TMEM135: variants seen among roughly 807,000 people sequenced by gnomAD.
TMEM135 encodes transmembrane protein 135.
Under a neutral mutation model 60.3 loss-of-function variants are expected in TMEM135, and 30 were observed. The ratio of observed to expected loss-of-function variants is 0.50; its 90% confidence interval spans 0.37 to 0.68. TMEM135 has a LOEUF of 0.68. Among genes scored for constraint, TMEM135 ranks in the 30% least tolerant of loss-of-function variants. The pLI is 0.00. For synonymous variants in TMEM135, 190 were observed against 186.7 expected, an observed-to-expected ratio of 1.02 and a Z score of -0.14; for missense variants, 468 against 548.8, an observed-to-expected ratio of 0.85 and a Z score of 1.47.
At chr11:87,284,839 TACA>T (rs1303449149) in intron 6 of TMEM135, among the ~76,000 whole-genome samples, 7 of 152,208 alleles carry the variant, frequency 4.6e-5, no homozygotes, top group Admixed American at 4.6e-4. Context: ...AAAATAGGGA[TACA>T]ACATTAGTAG....
chr11:87,109,673 G>A (rs946200727), intron 4 of TMEM135, among the ~76,000 whole-genome samples: 1 of 152,042 alleles, frequency 6.6e-6, no homozygotes, highest in East Asian at 1.9e-4. Flanking sequence ...GGATAAAGGG[G>A]GACTATTATA....
intron 3 of TMEM135, among the ~76,000 whole-genome samples, chr11:87,089,641 C>T (rs537102079): frequency 3.3e-5 from 5 of 152,186 alleles, no homozygotes; most frequent in Admixed American, 6.5e-5. Context: ...GTTTTTTCTT[C>T]ATATGTAACC....
intron 3 of TMEM135, among the ~76,000 whole-genome samples, chr11:87,087,190 C>T (rs780895873): frequency 7.9e-5 from 12 of 151,794 alleles, no homozygotes; most frequent in African/African-American, 2.4e-5. Context: ...TCAAAAACTC[C>T]GAGGCTGCTG....
At position 87,208,236 on chromosome 11, in the gene TMEM135, A is replaced by G. The variant is rs572497087; in HGVS notation, c.463-28402A>G. On this transcript the variant is annotated intron_variant, in intron 5 of 14. Transcript: ENST00000305494. ...ATGGATCCAGATTGAAATGGCTGAAATGTCAGACATAGAATTCAGAATCTG... is the reference window on the plus strand; with the variant it reads ...ATGGATCCAGATTGAAATGGCTGAAGTGTCAGACATAGAATTCAGAATCTG... 2.0e-5 allele frequency among the ~76,000 whole-genome samples: 3 copies of G among 152,324 alleles called. No individual in the cohort carries two copies. The South Asian group carries it at 6.2e-4, about 32-fold the overall frequency.
rs1220446990 is a variant in TMEM135 at position 87,325,173 on chromosome 11, CTA to C, written c.*3842_*3843del. ...TCTTAGATTCTAGGGCTTTGTAGTA[CTA>C]TGTTTCTGTTTAAAGTAGTGGCCTC... is the stretch of plus-strand genomic sequence containing the variant. On this transcript the variant is annotated 3_prime_UTR_variant, in exon 15 of 15. Transcript: ENST00000305494. 1 of 453,866 alleles carries C rather than the reference CTA, an allele frequency of 2.2e-6. No individual in the cohort carries two copies. Among genetic ancestry groups the C allele is most frequent in the Non-Finnish European group, 4.4e-6 (1 of 226,768 alleles). The allele number at this position is 453,866 out of a possible 1,614,324, so 28.1% of individuals were successfully genotyped here. A position where few individuals can be genotyped will look rare whatever the true frequency, so the allele number is the denominator to read the frequency against.
At chr11:87,310,516 A>G (rs1942622981) in intron 10 of TMEM135, among the ~76,000 whole-genome samples, 1 of 151,892 alleles carries the variant, frequency 6.6e-6, no homozygotes, top group African/African-American at 2.4e-5. Context: ...TTGAAAAACT[A>G]GTGCCTGGGT....
intron 5 of TMEM135, among the ~76,000 whole-genome samples, chr11:87,184,378 G>A (rs1014918825): frequency 1.4e-4 from 22 of 152,208 alleles, no homozygotes; most frequent in Non-Finnish European, 2.8e-4. Context: ...GTTGGTCTGG[G>A]AAAAATGCAT....
intron 4 of TMEM135, among the ~76,000 whole-genome samples, chr11:87,134,841 A>G (rs1938046857): frequency 6.6e-6 from 1 of 152,048 alleles, no homozygotes; most frequent in Admixed American, 6.6e-5. Context: ...TGATCATACC[A>G]TTTTACATTC....
At chr11:87,169,988 T>C (rs888949092) in intron 5 of TMEM135, among the ~76,000 whole-genome samples, 2 of 152,176 alleles carry the variant, frequency 1.3e-5, no homozygotes, top group Non-Finnish European at 2.9e-5. Flanking sequence ...TCTTGGAGGC[T>C]TCCTTCGTTC....
chr11:87,144,026 A>G (rs979736352), intron 4 of TMEM135, among the ~76,000 whole-genome samples: 40 of 152,164 alleles, frequency 2.6e-4, no homozygotes, highest in African/African-American at 9.4e-4. Flanking sequence ...TGTGAGACGA[A>G]TGATGTGACC....
At chr11:87,301,104 A>G (rs1942439977) in intron 7 of TMEM135, among the ~76,000 whole-genome samples, 1 of 152,204 alleles carries the variant, frequency 6.6e-6, no homozygotes, top group South Asian at 2.1e-4. Context: ...TCTGGTGACA[A>G]ACAAAACCCT....
intron 1 of TMEM135, among the ~76,000 whole-genome samples, chr11:87,063,484 A>G (rs1949968508): frequency 6.6e-6 from 1 of 152,212 alleles, no homozygotes. Flanking sequence ...TGCAAGTGCT[A>G]TTGTAATTAC....
rs575766563 is a variant in TMEM135 at position 87,225,157 on chromosome 11, G to T, written c.463-11481G>T. Among the ~76,000 whole-genome samples the T allele has an allele frequency of 3.3e-5, 5 of 152,176 alleles. No homozygotes were observed. The South Asian group carries it at 1.0e-3, about 32-fold the overall frequency. ...ATGAAATTGAATGAAATTTGTAAAT[G>T]CTATAAATCTTTAATGGGATTTTTA... On this transcript the variant is annotated intron_variant, in intron 5 of 14. Coordinates refer to ENST00000305494, the MANE Select transcript of TMEM135 (RefSeq NM_022918.4).
chr11:87,231,640 A>C (rs536932456), intron 5 of TMEM135, among the ~76,000 whole-genome samples: 1 of 152,306 alleles, frequency 6.6e-6, no homozygotes, highest in Admixed American at 6.5e-5. Flanking sequence ...AAGAAATAGG[A>C]AAATTTGAGC....
At chr11:87,267,936 C>A (rs1941782169) in intron 6 of TMEM135, among the ~76,000 whole-genome samples, 1 of 152,050 alleles carries the variant, frequency 6.6e-6, no homozygotes, top group African/African-American at 2.4e-5. Flanking sequence ...AGGCAATCAG[C>A]CCACCTTGGC....
At chr11:87,267,809 C>T (rs1334333367) in intron 6 of TMEM135, among the ~76,000 whole-genome samples, 3 of 152,138 alleles carry the variant, frequency 2.0e-5, no homozygotes, top group Non-Finnish European at 2.9e-5. Flanking sequence ...TCTCCTGCCT[C>T]AGCCTTCCGA....
chr11:87,318,177 A>C lies in TMEM135; in HGVS notation c.1118A>C (p.Tyr373Ser). 1 of 1,612,902 alleles carries C rather than the reference A, an allele frequency of 6.2e-7. No individual in the cohort carries two copies. Among genetic ancestry groups the C allele is most frequent in the Non-Finnish European group, 8.5e-7 (1 of 1,179,728 alleles). The change falls in exon 13 of 15, where the codon TAT becomes TCT. Residue 373 changes from tyrosine to serine, a missense_variant. Physicochemically the swap from Tyr to Ser is moderately radical, Grantham distance 144. Coordinates refer to ENST00000305494, the MANE Select transcript of TMEM135 (RefSeq NM_022918.4). ...FKGIEAGKVPYFPHADTIIYS... is the reference protein window; with the variant it reads ...FKGIEAGKVPSFPHADTIIYS... ...GGCATTGAAGCAGGGAAGGTTCCCT[A>C]TTTTCCTCATGCAGATACTATCATC... is the stretch of plus-strand genomic sequence containing the variant.
At chr11:87,070,065 G>A (rs117719356) in intron 2 of TMEM135, among the ~76,000 whole-genome samples, 1 of 151,942 alleles carries the variant, frequency 6.6e-6, no homozygotes, top group African/African-American at 2.4e-5. Context: ...CAGCTAACTT[G>A]GGAGGCTGAG....
chr11:87,170,335 G>C (rs1939199692), intron 5 of TMEM135, among the ~76,000 whole-genome samples: 1 of 152,090 alleles, frequency 6.6e-6, no homozygotes, highest in Non-Finnish European at 1.5e-5. Context: ...TTCTGGCCAG[G>C]AGTTGTGATC....
Sources: allele counts gnomAD v4.1 joint callset (sites outside exome capture counted in the v4.1 genomes callset), GRCh38; gene constraint gnomAD v4.1.1; transcripts MANE v1.5; gene names NCBI Gene and HGNC (gene_info 2026-07-23, HGNC 2026-07-21).